ATAD5: variants seen among roughly 807,000 people sequenced by gnomAD.
ATAD5 encodes the protein ATPase family AAA domain containing 5.
In ATAD5, 58 loss-of-function variants were observed where a neutral mutation model predicts 176.9. The ratio of observed to expected loss-of-function variants is 0.33; its 90% confidence interval spans 0.27 to 0.41. The LOEUF (loss-of-function observed/expected upper bound fraction) is 0.41, where lower values mean the gene tolerates loss of function less well. ATAD5 is among the 10% of genes least tolerant of loss of function. The pLI, the probability that ATAD5 is intolerant of heterozygous loss-of-function variation, is 1.00. For synonymous variants in ATAD5, 640 were observed against 712.6 expected (o/e 0.90, Z 1.62); for missense variants, 1,789 against 2,094.1 (o/e 0.85, Z 2.84).
At chr17:30,842,958 G>T (rs1469096882) in intron 4 of ATAD5, among the ~76,000 whole-genome samples, 1 of 151,950 alleles carries the variant, frequency 6.6e-6, no homozygotes, top group Non-Finnish European at 1.5e-5. Context: ...TCTCAGGCTG[G>T]TCTTGAACTC....
chr17:30,879,804 T>C (rs1908905954), intron 18 of ATAD5, among the ~76,000 whole-genome samples: 1 of 151,920 alleles, frequency 6.6e-6, no homozygotes, highest in South Asian at 2.1e-4. Context: ...CCTTGTGATC[T>C]GCCCGCCTCG....
At chr17:30,875,691 G>A (rs140997505) in intron 14 of ATAD5, among the ~76,000 whole-genome samples, 4,025 of 151,892 alleles carry the variant, frequency 0.026, 199 homozygotes, top group African/African-American at 0.092. Flanking sequence ...CAGCTACTTG[G>A]GGGGCTGGGC....
intron 14 of ATAD5, among the ~76,000 whole-genome samples, chr17:30,870,851 AATTTG>A (rs1321726380): frequency 6.6e-6 from 1 of 152,034 alleles, no homozygotes; most frequent in East Asian, 1.9e-4. Flanking sequence ...GGTTTTAAGT[AATTTG>A]ATTATGATGT....
At position 30,834,022 on chromosome 17, in the gene ATAD5, G is replaced by A. The variant is rs547367892; in HGVS notation, c.67-126G>A. On this transcript the variant is annotated intron_variant, in intron 1 of 22. Coordinates refer to ENST00000321990, the MANE Select transcript of ATAD5 (RefSeq NM_024857.5). ...GCCTATTTTCTTTCTAATATATCAC[G>A]TTTTTCACCTAAAGGAGGCTTCCTT... 865 of 818,122 alleles carry A rather than the reference G, an allele frequency of 1.1e-3. 1 individual carries two copies. The highest frequency in any genetic ancestry group is 1.4e-3 in the Non-Finnish European group (785 of 574,564). 50.7% of individuals were successfully genotyped at this position (818,122 alleles called of 1,614,324 possible). A position where few individuals can be genotyped will look rare whatever the true frequency, so the allele number is the denominator to read the frequency against.
chr17:30,873,047 G>A (rs1908433757), intron 14 of ATAD5, among the ~76,000 whole-genome samples: 1 of 152,090 alleles, frequency 6.6e-6, no homozygotes, highest in Admixed American at 6.6e-5. Flanking sequence ...CATATATTAT[G>A]TCCAGTTTTC....
intron 10 of ATAD5, 34 bp from the exon 11 acceptor site, chr17:30,865,670 A>C (rs760900664): frequency 7.4e-7 from 1 of 1,344,140 alleles, no homozygotes; most frequent in African/African-American, 1.5e-5. Flanking sequence ...ATGTCAAGGA[A>C]TGAATACCTT....
chr17:30,892,644 A>C lies in ATAD5; in HGVS notation c.4296A>C (p.Glu1432Asp), dbSNP rs775791461. The C allele has an allele frequency of 9.4e-6, 15 of 1,592,050 alleles. No homozygotes were observed. The South Asian group carries it at 1.4e-4, about 15-fold the overall frequency. ...GAAATGTACAACTAGTTTGCTCTGAACATGGCCTTGATAACAAAATTTACC... is the reference window on the plus strand; with the variant it reads ...GAAATGTACAACTAGTTTGCTCTGACCATGGCCTTGATAACAAAATTTACC... ...NSRNVQLVCS[E>D]HGLDNKIYPK... The change falls in exon 20 of 23, where the codon GAA becomes GAC. Residue 1432 changes from glutamate (E) to aspartate (D), a missense_variant. Glu to Asp is a conservative substitution (Grantham distance 45, BLOSUM62 2). Around this residue, in one of 6 missense-constraint regions of ATAD5, gnomAD observed 403 missense variants for 495.1 expected, o/e 0.81. Coordinates refer to ENST00000321990, the MANE Select transcript of ATAD5 (RefSeq NM_024857.5).
chr17:30,855,191 A>G lies in ATAD5; in HGVS notation c.2499A>G (p.Ala833=). ...KSQDCDVQCK[A]KRDFLMSGLP... ...AGGATTGTGATGTTCAATGTAAAGC[A>G]AAGCGTGACTTCCTAATGAGTGGTT... The change falls in exon 7 of 23, where the codon GCA becomes GCG. Residue 833 remains alanine (A), a synonymous_variant. Coordinates refer to ENST00000321990, the MANE Select transcript of ATAD5 (RefSeq NM_024857.5). 1 of 1,613,200 alleles carries G rather than the reference A, an allele frequency of 6.2e-7. No homozygotes were observed. The highest frequency in any genetic ancestry group is 1.1e-5 in the South Asian group (1 of 90,764).
At chr17:30,859,933 AG>A (rs541298893) in intron 9 of ATAD5, among the ~76,000 whole-genome samples, 2 of 147,608 alleles carry the variant, frequency 1.4e-5, no homozygotes, top group South Asian at 4.8e-4. Context: ...CATGTTGGCC[AG>A]GCTGGTCTTG....
At chr17:30,886,418 G>A (rs934109943) in intron 18 of ATAD5, among the ~76,000 whole-genome samples, 2 of 144,188 alleles carry the variant, frequency 1.4e-5, no homozygotes, top group African/African-American at 2.6e-5. Context: ...ATTTATTTTC[G>A]AGACAGAGTC....
At chr17:30,879,681 G>GC (rs1908897785) in intron 18 of ATAD5, among the ~76,000 whole-genome samples, 194 bp downstream of exon 18, 1 of 151,650 alleles carries the variant, frequency 6.6e-6, no homozygotes, top group African/African-American at 2.4e-5. Flanking sequence ...TCCTGCCTCA[G>GC]CCTCCGAAGT....
rs1905711282 is a variant in ATAD5 at position 30,835,863 on chromosome 17, T to C, written c.1782T>C (p.Thr594=). 1 of 1,614,038 alleles carries C rather than the reference T, an allele frequency of 6.2e-7. No individual in the cohort carries two copies. The highest frequency in any genetic ancestry group is 1.1e-5 in the South Asian group (1 of 91,048). Residue 594 remains threonine (T), a synonymous_variant, in exon 2 of 23, where the codon ACT becomes ACC. Transcript: ENST00000321990. The stretch of plus-strand genomic sequence containing the variant: ...TAAATGTTTCCACGCCCAAGTCAAC[T>C]AGAAGATCTGGAAGAATTAGCAGCA... The part of the protein sequence containing the change: ...SLLNVSTPKS[T]RRSGRISSTP...
At chr17:30,869,748 A>G in intron 14 of ATAD5, 102 bp downstream of exon 14, 1 of 1,278,668 alleles carries the variant, frequency 7.8e-7, no homozygotes, top group East Asian at 2.5e-5. Flanking sequence ...TTTATCTTCT[A>G]CACGTACACG....
intron 19 of ATAD5, among the ~76,000 whole-genome samples, chr17:30,888,714 A>G (rs187891995): frequency 6.6e-6 from 1 of 152,226 alleles, no homozygotes; most frequent in Non-Finnish European, 1.5e-5. Context: ...GAACTAATCT[A>G]TAAGTTACTT....
At chr17:30,872,549 TTTTTC>T (rs1908398303) in intron 14 of ATAD5, among the ~76,000 whole-genome samples, 2 of 100,144 alleles carry the variant, frequency 2.0e-5, no homozygotes, top group African/African-American at 5.8e-5. Context: ...TTTTTTTTCT[TTTTTC>T]TTTTTTTTTT....
intron 6 of ATAD5, among the ~76,000 whole-genome samples, chr17:30,846,165 A>C (rs1906485996): frequency 6.6e-6 from 1 of 152,156 alleles, no homozygotes; most frequent in Admixed American, 6.6e-5. Flanking sequence ...AAGATTACCA[A>C]AATATTCGAT....
At chr17:30,845,463 T>C (rs1906441210) in intron 6 of ATAD5, among the ~76,000 whole-genome samples, 1 of 152,296 alleles carries the variant, frequency 6.6e-6, no homozygotes, top group Non-Finnish European at 1.5e-5. Context: ...GGAGGAACTG[T>C]GTTTCAGCCA....
At position 30,895,074 on chromosome 17, in the gene ATAD5, G is replaced by T; in HGVS notation, c.*161G>T. On this transcript the variant is annotated 3_prime_UTR_variant, in exon 23 of 23. Transcript: ENST00000321990. ...GCGGGTAAATATTTAAAATATTTGAGTTACAAATTTTATATATGATTGTAA... is the reference window on the plus strand; with the variant it reads ...GCGGGTAAATATTTAAAATATTTGATTTACAAATTTTATATATGATTGTAA... 2.1e-6 allele frequency: 1 copy of T among 486,522 alleles called. No homozygotes were observed. The highest frequency in any genetic ancestry group is 3.4e-6 in the Non-Finnish European group (1 of 290,442). The allele number at this position is 486,522 out of a possible 1,614,324, so 30.1% of individuals were successfully genotyped here. A position where few individuals can be genotyped will look rare whatever the true frequency, so the allele number is the denominator to read the frequency against.
At chr17:30,848,256 T>G (rs547228347) in intron 6 of ATAD5, among the ~76,000 whole-genome samples, 127 of 152,248 alleles carry the variant, frequency 8.3e-4, no homozygotes, top group African/African-American at 3.0e-3. Flanking sequence ...AGGCTTTTTT[T>G]TTTTTGAGAC....
Sources: allele counts gnomAD v4.1 joint callset (sites outside exome capture counted in the v4.1 genomes callset), GRCh38; gene constraint gnomAD v4.1.1; regional missense constraint gnomAD v4.1.1; transcripts MANE v1.5; gene names NCBI Gene and HGNC (gene_info 2026-07-23, HGNC 2026-07-21).